Variants in TPCN2 observed in about 807,000 individuals in gnomAD.
TPCN2 encodes the protein two pore channel protein 2.
TPCN2 carries 92 observed loss-of-function variants against 111.4 expected under a neutral mutation model. The observed-to-expected ratio is 0.83, with a 90% CI of 0.70 to 0.98. The LOEUF is 0.98. TPCN2 is among the 50% of genes least tolerant of loss of function. The probability of loss-of-function intolerance (pLI) is 0.00; values close to 1 mark genes in which losing one functional copy is unlikely to be tolerated. For synonymous variants in TPCN2, 405 were observed against 414.5 expected, an observed-to-expected ratio of 0.98 and a Z score of 0.28; for missense variants, 995 against 980.1, an observed-to-expected ratio of 1.02 and a Z score of -0.20.
chr11:69,064,905 T>G (rs1855196380), intron 7 of TPCN2, among the ~76,000 whole-genome samples: 1 of 151,994 alleles, frequency 6.6e-6, no homozygotes, highest in African/African-American at 2.4e-5. Context: ...ATGTGTAGTG[T>G]CTGTGTGCAT....
At chr11:69,080,455 C>G (rs140309613) in intron 17 of TPCN2, among the ~76,000 whole-genome samples, 2 of 152,246 alleles carry the variant, frequency 1.3e-5, no homozygotes, top group South Asian at 4.1e-4. Flanking sequence ...GGCAGGGACC[C>G]TGGAGCCTCG....
At position 69,049,102 on chromosome 11, in the gene TPCN2, C is replaced by T. The variant is rs1343209628; in HGVS notation, c.105C>T (p.Gly35=). 1.6e-6 allele frequency: 2 copies of T among 1,241,186 alleles called. No homozygotes were observed. The highest frequency in any genetic ancestry group is 2.0e-6 in the Non-Finnish European group (2 of 987,308). The allele number at this position is 1,241,186 out of a possible 1,614,324, so 76.9% of individuals were successfully genotyped here. A position where few individuals can be genotyped will look rare whatever the true frequency, so the allele number is the denominator to read the frequency against. The change falls in exon 1 of 25, where the codon GGC becomes GGT. Residue 35 remains glycine, a synonymous_variant. Transcript: ENST00000294309. ...CCACTTACCGCAGCATCCAAGTCGG[C>T]CCTGGTGAGCCGCCCGGACCTGGGG... The part of the protein sequence containing the change: ...GLTTYRSIQV[G]PGAAARWDLC...
intron 11 of TPCN2, among the ~76,000 whole-genome samples, chr11:69,072,307 C>A (rs1344431571): frequency 6.6e-6 from 1 of 152,198 alleles, no homozygotes; most frequent in Admixed American, 6.5e-5. Flanking sequence ...CCCTTCTGTG[C>A]TGACTTAGGC....
chr11:69,078,363 A>G, intron 13 of TPCN2, 119 bp from the exon 14 acceptor site: 1 of 1,270,122 alleles, frequency 7.9e-7, no homozygotes, highest in Non-Finnish European at 1.1e-6. Flanking sequence ...CTGGATAGAT[A>G]GGACGGGAGA....
intron 17 of TPCN2, among the ~76,000 whole-genome samples, 159 bp from the exon 18 acceptor site, chr11:69,081,241 C>A (rs1053432209): frequency 6.6e-6 from 1 of 152,068 alleles, no homozygotes; most frequent in African/African-American, 2.4e-5. Flanking sequence ...CTCTCGCCAC[C>A]CTGCAGAGGC....
At chr11:69,082,611 G>A (rs890228450) in intron 18 of TPCN2, among the ~76,000 whole-genome samples, 62 of 151,358 alleles carry the variant, frequency 4.1e-4, no homozygotes, top group African/African-American at 1.5e-3. Context: ...ATGTGAACTC[G>A]TGCCCGGGTA....
In TPCN2 at chr11:69,086,571, C is replaced by T. The variant is rs1371372350; in HGVS notation, c.2052C>T (p.Ile684=). 6.2e-7 allele frequency: 1 copy of T among 1,614,028 alleles called. No individual in the cohort carries two copies. Among genetic ancestry groups the T allele is most frequent in the African/African-American group, 1.3e-5 (1 of 74,910 alleles). Residue 684 remains isoleucine (I), a synonymous_variant, in exon 23 of 25, where the codon ATC becomes ATT. Coordinates refer to ENST00000294309, the MANE Select transcript of TPCN2 (RefSeq NM_139075.4). The part of the protein sequence containing the change: ...FVLWWLVSSV[I]WVNLFLALIL... ...TGTGGTGGCTGGTGTCGTCTGTCAT[C>T]TGGGTCAACCTGTTTCTGGCCCTGA... is the stretch of plus-strand genomic sequence containing the variant.
At chr11:69,073,620 G>T (rs934843231) in intron 13 of TPCN2, among the ~76,000 whole-genome samples, 3 of 152,264 alleles carry the variant, frequency 2.0e-5, no homozygotes, top group Non-Finnish European at 4.4e-5. Flanking sequence ...CACAGACTGG[G>T]GCGGGGGCAG....
chr11:69,078,216 A>T (rs1855871961), intron 13 of TPCN2, among the ~76,000 whole-genome samples: 1 of 151,392 alleles, frequency 6.6e-6, no homozygotes, highest in African/African-American at 2.4e-5. Context: ...AGGTGACTCT[A>T]ATATCACAAC....
Position 69,079,008 on chromosome 11 carries a change from C to A in TPCN2, c.1527C>A (p.Thr509=). ...YPSNVFDGLL[T]VVLLVLEIST... ...GCAACGTGTTTGACGGGCTCCTCACCGTTGTCCTGCTGGTAAAGTAGGCGC... is the reference window on the plus strand; with the variant it reads ...GCAACGTGTTTGACGGGCTCCTCACAGTTGTCCTGCTGGTAAAGTAGGCGC... Residue 509 remains threonine (T), a synonymous_variant, in exon 16 of 25, where the codon ACC becomes ACA. Transcript: ENST00000294309. The A allele has an allele frequency of 6.2e-7, 1 of 1,611,184 alleles. No homozygotes were observed.
In TPCN2 at chr11:69,090,423, C is replaced by T. The variant is rs1257494859; in HGVS notation, c.*2470C>T. On this transcript the variant is annotated 3_prime_UTR_variant, in exon 25 of 25. Transcript: ENST00000294309. Reference sequence around the variant, plus strand: ...TGCTCATCCGACTGGGGCTTTGACTCCCACACTGTGTACCCCTCTTGTGTG... The same window carrying T: ...TGCTCATCCGACTGGGGCTTTGACTTCCACACTGTGTACCCCTCTTGTGTG... The T allele has an allele frequency of 6.6e-6, 1 of 152,198 alleles. No homozygotes were observed. The highest frequency in any genetic ancestry group is 1.5e-5 in the Non-Finnish European group (1 of 68,052). The allele number at this position is 152,198 out of a possible 1,614,324, so 9.4% of individuals were successfully genotyped here.
intron 6 of TPCN2, among the ~76,000 whole-genome samples, chr11:69,063,562 G>C (rs1051202770): frequency 1.3e-5 from 2 of 152,018 alleles, no homozygotes; most frequent in Non-Finnish European, 2.9e-5. Context: ...AGTGGCTCAC[G>C]TGCTGACCCC....
At chr11:69,079,981 C>A in intron 17 of TPCN2, 98 bp downstream of exon 17, 1 of 1,171,980 alleles carries the variant, frequency 8.5e-7, no homozygotes, top group Non-Finnish European at 1.3e-6. Context: ...GCTGGGTCTG[C>A]TCTGACTCTA....
chr11:69,072,804 C>A, intron 12 of TPCN2, 96 bp downstream of exon 12: 1 of 1,530,628 alleles, frequency 6.5e-7, no homozygotes. Flanking sequence ...GGCTTCAGGT[C>A]ACCTGCAGCA....
At chr11:69,066,398 A>C (rs1855275197) in intron 7 of TPCN2, among the ~76,000 whole-genome samples, 1 of 152,112 alleles carries the variant, frequency 6.6e-6, no homozygotes, top group Non-Finnish European at 1.5e-5. Flanking sequence ...TGTGCCTGAC[A>C]GCGCTCCCTG....
At chr11:69,061,615 G>T (rs1329581516) in intron 5 of TPCN2, among the ~76,000 whole-genome samples, 1 of 152,156 alleles carries the variant, frequency 6.6e-6, no homozygotes, top group Non-Finnish European at 1.5e-5. Flanking sequence ...CACCAAGGTA[G>T]CTGTGTCTGG....
At position 69,078,491 on chromosome 11, in the gene TPCN2, A is replaced by T; in HGVS notation, c.1240A>T (p.Arg414Trp). The T allele has an allele frequency of 6.2e-7, 1 of 1,614,080 alleles. No homozygotes were observed. The highest frequency in any genetic ancestry group is 1.3e-5 in the African/African-American group (1 of 75,056). Residue 414 changes from arginine to tryptophan, a missense_variant, in exon 14 of 25, where the codon AGG (arginine) becomes TGG (tryptophan). Transcript: ENST00000294309. The stretch of plus-strand genomic sequence containing the variant: ...TGTGTTCCTTGCCCAGCACCCGCCG[A>T]GGCCCGAGTACCAGTCTCCGTTTCT... ...DRSVVKEHPPRPEYQSPFLQS... is the reference protein window; with the variant it reads ...DRSVVKEHPPWPEYQSPFLQS...
At chr11:69,051,363 A>G (rs1334707194) in intron 1 of TPCN2, among the ~76,000 whole-genome samples, 2 of 152,272 alleles carry the variant, frequency 1.3e-5, no homozygotes, top group Non-Finnish European at 2.9e-5. Context: ...CTGAATGCTT[A>G]TGAAGGGCTC....
intron 7 of TPCN2, 73 bp from the exon 8 acceptor site, chr11:69,067,430 G>C (rs1855320473): frequency 7.1e-7 from 1 of 1,402,142 alleles, no homozygotes; most frequent in Non-Finnish European, 1.0e-6. Context: ...CAGCCGGTTG[G>C]GTCCGGGGCC....
Sources: allele counts gnomAD v4.1 joint callset (sites outside exome capture counted in the v4.1 genomes callset), GRCh38; gene constraint gnomAD v4.1.1; transcripts MANE v1.5; gene names NCBI Gene and HGNC (gene_info 2026-07-23, HGNC 2026-07-21).